The following KANK1 variants were observed in gnomAD, a reference collection of about 807,000 sequenced individuals.
The protein encoded by KANK1 is KN motif and ankyrin repeat domains 1, also known as KN motif and ankyrin repeat domain-containing protein 1.
A neutral mutation model predicts 106.2 loss-of-function variants in KANK1; 109 were observed. The ratio of observed to expected loss-of-function variants is 1.03; its 90% confidence interval spans 0.88 to 1.20. The LOEUF is 1.20. Ranked by LOEUF, KANK1 falls within the 50% of genes most tolerant of loss-of-function variation. The pLI is 0.00. For missense variants in KANK1, 2,399 were observed against 1,710.7 expected (o/e 1.40, Z -7.10); for synonymous variants, 873 against 652.2 (o/e 1.34, Z -5.16).
intron 1 of KANK1, among the ~76,000 whole-genome samples, chr9:550,430 C>T (rs2061208283): frequency 6.6e-6 from 1 of 152,130 alleles, no homozygotes; most frequent in Admixed American, 6.5e-5. Flanking sequence ...AGCTAAACAG[C>T]AAGAACAGAT....
intron 1 of KANK1, among the ~76,000 whole-genome samples, chr9:593,293 G>T (rs547827301): frequency 6.6e-6 from 1 of 151,652 alleles, no homozygotes; most frequent in African/African-American, 2.4e-5. Context: ...AGTCAGATGT[G>T]CCCATTCTCA....
intron 1 of KANK1, among the ~76,000 whole-genome samples, chr9:557,260 T>G (rs76927451): frequency 6.6e-6 from 1 of 151,664 alleles, no homozygotes; most frequent in Non-Finnish European, 1.5e-5. Flanking sequence ...TGAAAAGATA[T>G]ATTGTTTTGG....
At chr9:598,409 G>C (rs1826766387) in intron 1 of KANK1, among the ~76,000 whole-genome samples, 1 of 151,282 alleles carries the variant, frequency 6.6e-6, no homozygotes, top group Non-Finnish European at 1.5e-5. Context: ...GGCTGTTGGA[G>C]TTTTGATAAG....
At chr9:705,340 G>C (rs1049967698) in intron 2 of KANK1, among the ~76,000 whole-genome samples, 1 of 152,098 alleles carries the variant, frequency 6.6e-6, no homozygotes, top group African/African-American at 2.4e-5. Context: ...ACAAAAAGTA[G>C]CTGGGCGTGG....
intron 1 of KANK1, among the ~76,000 whole-genome samples, chr9:607,473 A>C (rs146965753): frequency 7.1e-6 from 1 of 141,560 alleles, no homozygotes; most frequent in African/African-American, 2.7e-5. Context: ...CGTTACAGCA[A>C]GACTCCATCT....
rs763652130 is a variant in KANK1 at position 742,231 on chromosome 9, GGTCA to G, written c.3728_3731del (p.Ser1243ThrfsTer4). 1.2e-6 allele frequency: 2 copies of G among 1,614,090 alleles called. No homozygotes were observed. Among genetic ancestry groups the G allele is most frequent in the Non-Finnish European group, 1.7e-6 (2 of 1,179,992 alleles). On this transcript the variant is annotated frameshift_variant, in exon 10 of 12. Transcript: ENST00000382297. LOFTEE classifies it high-confidence loss of function. ...CGGGACAGACGGCCCTCATGCTGGC[GGTCA>G]GTCACGGACGGATAGACATGGTGAA...
chr9:706,797 C>T (rs1824328384), intron 2 of KANK1: 1 of 985,436 alleles, frequency 1.0e-6, no homozygotes, highest in Non-Finnish European at 1.2e-6. Flanking sequence ...CCGCAGAGAA[C>T]AGTGGGGCTG....
intron 5 of KANK1, chr9:731,486 C>T (rs527571229): frequency 1.0e-4 from 41 of 392,166 alleles, no homozygotes; most frequent in African/African-American, 7.0e-4. Flanking sequence ...TGAAGCTGAG[C>T]GGTTTACATC....
chr9:562,732 A>G (rs994961684), intron 1 of KANK1, among the ~76,000 whole-genome samples: 1 of 152,176 alleles, frequency 6.6e-6, no homozygotes, highest in South Asian at 2.1e-4. Flanking sequence ...AAGTTAGACA[A>G]CCGATGCTAG....
chr9:665,571 C>T (rs1844378448), intron 1 of KANK1, among the ~76,000 whole-genome samples: 1 of 152,136 alleles, frequency 6.6e-6, no homozygotes, highest in Non-Finnish European at 1.5e-5. Flanking sequence ...GCTACTATAG[C>T]CTTGTAGTAT....
At chr9:602,180 CCAGA>C (rs1827917550) in intron 1 of KANK1, among the ~76,000 whole-genome samples, 1 of 151,936 alleles carries the variant, frequency 6.6e-6, no homozygotes, top group Non-Finnish European at 1.5e-5. Flanking sequence ...GCATTAGCAT[CCAGA>C]CATTTTTGAC....
chr9:518,358 T>G (rs769399523), intron 1 of KANK1, among the ~76,000 whole-genome samples: 12 of 151,668 alleles, frequency 7.9e-5, no homozygotes, highest in South Asian at 2.1e-4. Flanking sequence ...GGCTGGGTTG[T>G]GTCATCCCGA....
chr9:535,992 A>G (rs1426823541), intron 1 of KANK1, among the ~76,000 whole-genome samples: 2 of 152,154 alleles, frequency 1.3e-5, no homozygotes, highest in Non-Finnish European at 2.9e-5. Flanking sequence ...CCAGGTACTA[A>G]AGTCTTTTAG....
chr9:627,423 C>G (rs1834621869), intron 1 of KANK1, among the ~76,000 whole-genome samples: 1 of 152,150 alleles, frequency 6.6e-6, no homozygotes, highest in African/African-American at 2.4e-5. Context: ...CCACTGGAAG[C>G]ATTGTGCCCA....
At chr9:476,319 A>G (rs2058101442) in intron 3 of KANK1, among the ~76,000 whole-genome samples, 1 of 152,020 alleles carries the variant, frequency 6.6e-6, no homozygotes, top group African/African-American at 2.4e-5. Context: ...TCAGCAGTTC[A>G]AGACCAGCCT....
chr9:665,062 T>A (rs75652009), intron 1 of KANK1, among the ~76,000 whole-genome samples: 8,063 of 152,290 alleles, frequency 0.053, 230 homozygotes, highest in African/African-American at 0.066. Context: ...ATATTCTGGT[T>A]ATTTATCTTG....
upstream of KANK1, among the ~76,000 whole-genome samples, chr9:501,849 G>A (rs552544739): frequency 5.3e-5 from 8 of 152,270 alleles, no homozygotes; most frequent in Non-Finnish European, 8.8e-5. Flanking sequence ...GCCCAGCCTC[G>A]CGAGAGTCTT....
chr9:677,359 T>G (rs1328272025), intron 2 of KANK1, among the ~76,000 whole-genome samples: 2 of 152,218 alleles, frequency 1.3e-5, no homozygotes, highest in East Asian at 3.8e-4. Context: ...GTTTGGATGC[T>G]TAAAACCAAT....
chr9:674,622 G>C (rs947598418), intron 1 of KANK1, among the ~76,000 whole-genome samples: 1 of 152,058 alleles, frequency 6.6e-6, no homozygotes, highest in East Asian at 1.9e-4. Context: ...TAGCCTGATA[G>C]TTTCCTTTTT....
Sources: gnomAD v4.1 joint callset for allele counts (sites outside exome capture counted in the v4.1 genomes callset) on GRCh38, gnomAD v4.1.1 for gene constraint, MANE v1.5 for transcripts, NCBI Gene and HGNC (gene_info 2026-07-23, HGNC 2026-07-21) for gene names.